SULT2B1: variants seen among roughly 807,000 people sequenced by gnomAD.
The protein encoded by SULT2B1 is sulfotransferase family 2B member 1, also known as sulfotransferase 2B1.
In SULT2B1, 16 loss-of-function variants were observed where a neutral mutation model predicts 33.2. The ratio of observed to expected loss-of-function variants is 0.48; its 90% CI spans 0.33 to 0.73. SULT2B1 has a LOEUF of 0.73. SULT2B1 is among the 30% of genes least tolerant of loss of function. SULT2B1 has a pLI of 0.02. For synonymous variants in SULT2B1, 186 were observed against 200.5 expected, an observed-to-expected ratio of 0.93 and a Z score of 0.61; for missense variants, 500 against 506.0, an observed-to-expected ratio of 0.99 and a Z score of 0.11.
intron 1 of SULT2B1, among the ~76,000 whole-genome samples, chr19:48,572,064 T>C (rs1008299737): frequency 6.6e-6 from 1 of 152,158 alleles, no homozygotes; most frequent in Non-Finnish European, 1.5e-5. Context: ...ATGCATGTTC[T>C]TGGCATAGAG....
intron 1 of SULT2B1, among the ~76,000 whole-genome samples, chr19:48,559,858 C>T (rs1051990436): frequency 5.9e-5 from 9 of 151,718 alleles, no homozygotes; most frequent in African/African-American, 1.5e-4. Context: ...CCACAGCTCA[C>T]GCCTGTAATC....
intron 6 of SULT2B1, among the ~76,000 whole-genome samples, 175 bp downstream of exon 6, chr19:48,597,094 G>A (rs1973728088): frequency 6.6e-6 from 1 of 152,132 alleles, no homozygotes; most frequent in Admixed American, 6.6e-5. Context: ...CTCAGCACAC[G>A]TGCCAGCCAC....
intron 1 of SULT2B1, among the ~76,000 whole-genome samples, chr19:48,557,960 C>T (rs1265375244): frequency 2.0e-5 from 3 of 151,908 alleles, no homozygotes; most frequent in Admixed American, 6.6e-5. Flanking sequence ...AAAATAAAAT[C>T]GTAAGAGGAA....
chr19:48,553,256 G>A (rs1973051605), intron 1 of SULT2B1, among the ~76,000 whole-genome samples: 1 of 152,146 alleles, frequency 6.6e-6, no homozygotes, highest in Admixed American at 6.6e-5. Context: ...GGGCTGTGAG[G>A]AGGGAGACAA....
intron 1 of SULT2B1, among the ~76,000 whole-genome samples, chr19:48,564,224 GAC>G (rs1973215126): frequency 6.8e-6 from 1 of 146,984 alleles, no homozygotes. Flanking sequence ...CCAGCCTGGC[GAC>G]AGAGCAAGAC....
intron 2 of SULT2B1, among the ~76,000 whole-genome samples, chr19:48,578,981 C>A (rs1043617243): frequency 3.9e-5 from 6 of 152,164 alleles, no homozygotes; most frequent in Admixed American, 1.3e-4. Flanking sequence ...TCCCCTCCCC[C>A]CTGGGCCCTG....
intron 1 of SULT2B1, among the ~76,000 whole-genome samples, chr19:48,564,824 TC>T (rs1973225104): frequency 6.6e-6 from 1 of 152,066 alleles, no homozygotes; most frequent in Admixed American, 6.6e-5. Context: ...GGGGTTTCAC[TC>T]TGTTGCCCAG....
intron 1 of SULT2B1, among the ~76,000 whole-genome samples, chr19:48,568,023 G>T (rs2147604328): frequency 1.3e-5 from 2 of 152,048 alleles, no homozygotes; most frequent in East Asian, 1.9e-4. Flanking sequence ...TGTAATCCCA[G>T]CACTTTGGGA....
Position 48,552,952 on chromosome 19 carries a change from A to G in SULT2B1, c.71+629A>G, listed in dbSNP as rs1223443016. 1.3e-5 allele frequency among the ~76,000 whole-genome samples: 2 copies of G among 152,102 alleles called. No homozygotes were observed. Among genetic ancestry groups the G allele is most frequent in the African/African-American group, 4.8e-5 (2 of 41,422 alleles). On this transcript the variant is annotated intron_variant, in intron 1 of 6. Coordinates refer to ENST00000201586, the MANE Select transcript of SULT2B1 (RefSeq NM_177973.2). This position sits in a 1 kb window ranked among gnomAD's most constrained non-coding sequence, Gnocchi z 4.8. ...CAGTACCTGCTTTCCAGATGGGGAA[A>G]CTGAGGCTGGGAGGGAACGCGACAT...
At position 48,592,726 on chromosome 19, in the gene SULT2B1, G is replaced by A. The variant is rs764776470; in HGVS notation, c.555G>A (p.Gln185=). The A allele has an allele frequency of 2.5e-6, 4 of 1,593,702 alleles. No homozygotes were observed. In the South Asian group the frequency reaches 4.6e-5, roughly 18 times the overall value. The stretch of plus-strand genomic sequence containing the variant: ...CACTTGTCCCTCTGCCCACAGTGCA[G>A]TTTGGCTCCTGGTTCGACCACATTA... ...FLRDFLKGEV[Q]FGSWFDHIKG... Residue 185 remains glutamine (Q), a synonymous_variant, in exon 5 of 7, where the codon CAG becomes CAA. Transcript: ENST00000201586.
At chr19:48,575,828 G>C in intron 1 of SULT2B1, 113 bp from the exon 2 acceptor site, 1 of 1,516,066 alleles carries the variant, frequency 6.6e-7, no homozygotes, top group Non-Finnish European at 8.9e-7. Context: ...ACAGAAGAGG[G>C]ACTGAGGCTC....
chr19:48,589,002 G>C (rs1175979999), intron 3 of SULT2B1, among the ~76,000 whole-genome samples: 1 of 152,202 alleles, frequency 6.6e-6, no homozygotes, highest in African/African-American at 2.4e-5. Context: ...ACCGAGTGAC[G>C]AGGCAGCGCG....
At chr19:48,594,968 G>A (rs1422662256) in intron 5 of SULT2B1, among the ~76,000 whole-genome samples, 2 of 151,968 alleles carry the variant, frequency 1.3e-5, no homozygotes, top group African/African-American at 4.8e-5. Context: ...GTTGCAGTAA[G>A]CTGAGATAGC....
At chr19:48,580,269 GT>G (rs527552140) in intron 2 of SULT2B1, among the ~76,000 whole-genome samples, 2 of 150,506 alleles carry the variant, frequency 1.3e-5, no homozygotes, top group African/African-American at 2.5e-5. Flanking sequence ...TGTTTTCTTT[GT>G]TTTTTATGGA....
intron 1 of SULT2B1, among the ~76,000 whole-genome samples, chr19:48,557,868 G>A (rs775799922): frequency 1.3e-5 from 2 of 152,106 alleles, no homozygotes; most frequent in Non-Finnish European, 2.9e-5. Context: ...GCGGTGAGTC[G>A]AGATCGTGTC....
intron 1 of SULT2B1, among the ~76,000 whole-genome samples, chr19:48,569,198 A>G (rs1406919921): frequency 6.6e-6 from 1 of 151,182 alleles, no homozygotes; most frequent in South Asian, 2.1e-4. Flanking sequence ...AAAAATTAGC[A>G]GGGCGTGGTG....
chr19:48,586,096 C>T (rs1425853098), intron 2 of SULT2B1, among the ~76,000 whole-genome samples: 3 of 152,016 alleles, frequency 2.0e-5, no homozygotes, highest in Non-Finnish European at 2.9e-5. Context: ...GTTGTGTGCA[C>T]CTGTGGTCTC....
At chr19:48,576,354 C>CGTTTTTTT (rs1973406430) in intron 2 of SULT2B1, among the ~76,000 whole-genome samples, 3 of 79,878 alleles carry the variant, frequency 3.8e-5, no homozygotes, top group Non-Finnish European at 6.8e-5. Context: ...TTACCCTCTA[C>CGTTTTTTT]TTCTCTTTTT....
chr19:48,570,783 G>A (rs1973313991), intron 1 of SULT2B1, among the ~76,000 whole-genome samples: 1 of 151,694 alleles, frequency 6.6e-6, no homozygotes, highest in Non-Finnish European at 1.5e-5. Context: ...GGAGTGCAGT[G>A]GCGCGATCTC....
Sources: gnomAD v4.1 joint callset for allele counts (sites outside exome capture counted in the v4.1 genomes callset) on GRCh38, gnomAD v4.1.1 for gene constraint, Gnocchi (gnomAD v3.1) non-coding constraint, MANE v1.5 for transcripts, NCBI Gene and HGNC (gene_info 2026-07-23, HGNC 2026-07-21) for gene names.